Variants in EYS observed in about 807,000 individuals in gnomAD.
EYS encodes the protein protein eyes shut homolog.
Under a neutral mutation model 282.1 loss-of-function variants are expected in EYS, and 250 were observed. The observed-to-expected ratio is 0.89, with a 90% CI of 0.80 to 0.98. The LOEUF is 0.98. Among genes scored for constraint, EYS ranks in the 50% least tolerant of loss-of-function variants. The pLI, the probability that EYS is intolerant of heterozygous loss-of-function variation, is 0.00. For synonymous variants in EYS, 1,355 were observed against 1,282.9 expected (o/e 1.06, Z -1.20); for missense variants, 4,016 against 3,709.0 (o/e 1.08, Z -2.15).
At chr6:65,140,262 G>C (rs1764294331) in intron 12 of EYS, among the ~76,000 whole-genome samples, 1 of 151,780 alleles carries the variant, frequency 6.6e-6, no homozygotes, top group African/African-American at 2.4e-5. Flanking sequence ...AAGTTCACAG[G>C]AGAATGGAAA....
chr6:65,296,526 CTA>C (rs748593861), intron 11 of EYS, among the ~76,000 whole-genome samples: 14 of 150,942 alleles, frequency 9.3e-5, no homozygotes, highest in African/African-American at 3.2e-4. Context: ...TTTGTCACAA[CTA>C]TATATATATA....
At chr6:64,003,492 T>C (rs1768194669) in intron 33 of EYS, among the ~76,000 whole-genome samples, 2 of 152,198 alleles carry the variant, frequency 1.3e-5, no homozygotes, top group South Asian at 4.1e-4. Context: ...TGTTGATGGA[T>C]ACCCCATTTA....
At chr6:63,830,163 C>T (rs950008860) in intron 36 of EYS, among the ~76,000 whole-genome samples, 2 of 152,184 alleles carry the variant, frequency 1.3e-5, no homozygotes, top group Non-Finnish European at 2.9e-5. Context: ...GTCTCTTCTC[C>T]TCCAAAGGAA....
Position 64,550,657 on chromosome 6 carries a change from G to A in EYS, c.5644+39566C>T, listed in dbSNP as rs535010196. Among the ~76,000 whole-genome samples, 38 of 152,292 alleles carry A rather than the reference G, an allele frequency of 2.5e-4. 2 individuals carry two copies. Among genetic ancestry groups the A allele is most frequent in the African/African-American group, 9.1e-4 (38 of 41,568 alleles). On this transcript the variant is annotated intron_variant, in intron 26 of 42. Transcript: ENST00000503581. ...AATAAAGGGTATTCAATTAGGAAAA[G>A]AGGAAGTCAAATTGTCCCTGTTTTC...
At chr6:65,451,196 G>C (rs1001857505) in intron 5 of EYS, among the ~76,000 whole-genome samples, 1 of 151,926 alleles carries the variant, frequency 6.6e-6, no homozygotes, top group Admixed American at 6.6e-5. Flanking sequence ...AAGTAGTGTA[G>C]CCAATTCTAA....
chr6:64,656,958 TCA>T (rs1288916008), intron 22 of EYS, among the ~76,000 whole-genome samples: 10 of 152,234 alleles, frequency 6.6e-5, no homozygotes, highest in African/African-American at 2.4e-4. Flanking sequence ...ATTAAGATTA[TCA>T]GTCTCCCATT....
rs547504527 is a variant in EYS, at chr6:64,546,853, C to T, written c.5644+43370G>A. Among the ~76,000 whole-genome samples, 343 of 152,200 alleles carry T rather than the reference C, an allele frequency of 2.3e-3. 1 individual carries two copies. In the Middle Eastern group the frequency reaches 0.031, roughly 14 times the overall value. ...ATCTCACACCAGTTAGAATGGCGAT[C>T]ATTAAAAAGTCAGGAAACAACAGGT... On this transcript the variant is annotated intron_variant, in intron 26 of 42. Transcript: ENST00000503581.
chr6:64,396,646 C>A (rs182542169), intron 28 of EYS, among the ~76,000 whole-genome samples: 3 of 152,130 alleles, frequency 2.0e-5, no homozygotes, highest in East Asian at 1.9e-4. Flanking sequence ...GAAATCCAAT[C>A]GACTCAGTAA....
At chr6:64,296,118 A>C (rs951345967) in intron 30 of EYS, among the ~76,000 whole-genome samples, 2 of 152,158 alleles carry the variant, frequency 1.3e-5, no homozygotes, top group Admixed American at 6.5e-5. Flanking sequence ...CTCACCTTTA[A>C]CAATTTATTA....
At chr6:65,457,151 T>C (rs1457898172) in intron 5 of EYS, among the ~76,000 whole-genome samples, 2 of 151,980 alleles carry the variant, frequency 1.3e-5, no homozygotes, top group South Asian at 2.1e-4. Flanking sequence ...GTTGTTGTTG[T>C]TGTTGTTGTT....
At chr6:65,697,826 C>T (rs2149849541) in intron 1 of EYS, among the ~76,000 whole-genome samples, 1 of 152,176 alleles carries the variant, frequency 6.6e-6, no homozygotes, top group Admixed American at 6.5e-5. Flanking sequence ...ATGCCCATTG[C>T]CTAATAAATT....
At chr6:65,546,073 G>A (rs925806375) in intron 2 of EYS, among the ~76,000 whole-genome samples, 4 of 149,856 alleles carry the variant, frequency 2.7e-5, no homozygotes, top group African/African-American at 9.8e-5. Context: ...AGGCTGGAGT[G>A]TAGTGGCGTG....
At chr6:64,158,759 T>C (rs2150299563) in intron 31 of EYS, among the ~76,000 whole-genome samples, 1 of 152,142 alleles carries the variant, frequency 6.6e-6, no homozygotes, top group South Asian at 2.1e-4. Context: ...GCAATAATTA[T>C]ACTTTTTTTG....
At chr6:64,521,356 G>T (rs1266771478) in intron 26 of EYS, among the ~76,000 whole-genome samples, 2 of 151,714 alleles carry the variant, frequency 1.3e-5, no homozygotes, top group African/African-American at 4.8e-5. Context: ...GCTGCATCTG[G>T]TGGGTTTCAA....
intron 22 of EYS, among the ~76,000 whole-genome samples, chr6:64,736,822 A>G (rs532931328): frequency 4.5e-4 from 69 of 152,308 alleles, no homozygotes; most frequent in African/African-American, 1.6e-3. Flanking sequence ...CTTACTATTG[A>G]AGAAGACAGA....
At chr6:64,252,870 C>T (rs9362635) in intron 30 of EYS, among the ~76,000 whole-genome samples, 47,597 of 152,024 alleles carry the variant, frequency 0.31, 7,481 homozygotes, top group East Asian at 0.51. Flanking sequence ...CTCCTAGAAT[C>T]TAAACTGTAA....
intron 19 of EYS, among the ~76,000 whole-genome samples, chr6:64,864,382 C>CTTTTTTTTTTT (rs1562231995): frequency 2.5e-5 from 1 of 40,080 alleles, no homozygotes; most frequent in African/African-American, 7.4e-5. Context: ...GGTGCTATAC[C>CTTTTTTTTTTT]TTCTTTTTTT....
chr6:64,898,408 G>A (rs1767544531), intron 18 of EYS, among the ~76,000 whole-genome samples: 1 of 152,048 alleles, frequency 6.6e-6, no homozygotes, highest in Non-Finnish European at 1.5e-5. Flanking sequence ...AATGCTGGGG[G>A]ATTTTGTCAC....
At chr6:64,705,256 T>A (rs1167637072) in intron 22 of EYS, among the ~76,000 whole-genome samples, 1 of 152,106 alleles carries the variant, frequency 6.6e-6, no homozygotes, top group African/African-American at 2.4e-5. Flanking sequence ...AATAAAATGC[T>A]TAGGAATTTA....
Sources: gnomAD v4.1 joint callset for allele counts (sites outside exome capture counted in the v4.1 genomes callset) on GRCh38, gnomAD v4.1.1 for gene constraint, MANE v1.5 for transcripts, NCBI Gene and HGNC (gene_info 2026-07-23, HGNC 2026-07-21) for gene names.